The following CCDC7 variants were observed in gnomAD, a reference collection of about 807,000 sequenced individuals.
CCDC7 encodes coiled-coil domain containing 7.
In CCDC7, 183 loss-of-function variants were observed where a neutral mutation model predicts 196.9. That is an observed-to-expected ratio of 0.93 (90% CI 0.82 to 1.05). The LOEUF (loss-of-function observed/expected upper bound fraction) is 1.05. CCDC7 is among the 50% of genes least tolerant of loss of function. The pLI is 0.00. For synonymous variants in CCDC7, 525 were observed against 484.6 expected (o/e 1.08, Z -1.10); for missense variants, 1,540 against 1,482.2 (o/e 1.04, Z -0.64).
chr10:32,676,405 A>C (rs1207377603), intron 21 of CCDC7, among the ~76,000 whole-genome samples: 1 of 151,804 alleles, frequency 6.6e-6, no homozygotes, highest in Admixed American at 6.6e-5. Context: ...TGTACAGCAA[A>C]AGAAACTACC....
chr10:32,634,838 T>C (rs2065378233), intron 19 of CCDC7, among the ~76,000 whole-genome samples: 1 of 152,238 alleles, frequency 6.6e-6, no homozygotes, highest in African/African-American at 2.4e-5. Context: ...AAAGCTTTAA[T>C]ACCTTTTGAT....
At chr10:32,829,316 G>A (rs2091849325) in intron 32 of CCDC7, among the ~76,000 whole-genome samples, 1 of 152,152 alleles carries the variant, frequency 6.6e-6, no homozygotes, top group Admixed American at 6.5e-5. Context: ...AGGGAATACA[G>A]AATGCATAAG....
intron 3 of CCDC7, among the ~76,000 whole-genome samples, chr10:32,461,062 C>T (rs2035521622): frequency 6.6e-6 from 1 of 152,002 alleles, no homozygotes; most frequent in Non-Finnish European, 1.5e-5. Context: ...AAACTTTTAC[C>T]CAATTTGATA....
intron 11 of CCDC7, among the ~76,000 whole-genome samples, chr10:32,538,191 G>A (rs2050828187): frequency 6.6e-6 from 1 of 152,018 alleles, no homozygotes; most frequent in East Asian, 1.9e-4. Flanking sequence ...AGTTCTCATT[G>A]TGGAGATCTT....
chr10:32,610,352 C>A (rs765195455), intron 18 of CCDC7, among the ~76,000 whole-genome samples: 4 of 152,176 alleles, frequency 2.6e-5, no homozygotes, highest in African/African-American at 4.8e-5. Flanking sequence ...GATCTGCCTG[C>A]CTCGGCCTCC....
intron 28 of CCDC7, among the ~76,000 whole-genome samples, chr10:32,760,308 T>C (rs188784039): frequency 0.083 from 12,558 of 151,982 alleles, 562 homozygotes; most frequent in East Asian, 0.16. Flanking sequence ...ATGTTTATTG[T>C]GGCACTATTC....
chr10:32,771,912 G>C (rs1203879502), intron 28 of CCDC7, among the ~76,000 whole-genome samples: 1 of 152,182 alleles, frequency 6.6e-6, no homozygotes, highest in African/African-American at 2.4e-5. Flanking sequence ...GGATTGTCTT[G>C]GCTGGCCTCC....
At chr10:32,714,474 C>A (rs961103906) in intron 25 of CCDC7, among the ~76,000 whole-genome samples, 3 of 152,174 alleles carry the variant, frequency 2.0e-5, no homozygotes, top group Admixed American at 2.0e-4. Context: ...AACTGGGCAG[C>A]TGTTTGGGCA....
chr10:32,758,500 C>T (rs1186328833), intron 28 of CCDC7, among the ~76,000 whole-genome samples: 1 of 152,160 alleles, frequency 6.6e-6, no homozygotes, highest in Non-Finnish European at 1.5e-5. Flanking sequence ...ACAAAAACCA[C>T]ATGATTATCT....
intron 20 of CCDC7, among the ~76,000 whole-genome samples, chr10:32,648,827 T>C (rs1158886505): frequency 1.1e-4 from 17 of 152,230 alleles, no homozygotes; most frequent in Non-Finnish European, 2.5e-4. Context: ...GAAGTGTCTG[T>C]TAATGTCCTT....
At chr10:32,532,333 G>A (rs1163778518) in intron 11 of CCDC7, among the ~76,000 whole-genome samples, 1 of 151,990 alleles carries the variant, frequency 6.6e-6, no homozygotes. Context: ...ATGTGTTTGT[G>A]TATTTTTTGA....
At chr10:32,861,131 A>AAAAAAAAAAAAAAAAAG (rs1565740882) in intron 41 of CCDC7, among the ~76,000 whole-genome samples, 2 of 148,664 alleles carry the variant, frequency 1.3e-5, no homozygotes, top group Admixed American at 6.7e-5. Flanking sequence ...AAAAAAAAAA[A>AAAAAAAAAAAAAAAAAG]AAAGAAAGCT....
intron 35 of CCDC7, 91 bp from the exon 37 acceptor site, chr10:32,845,785 A>ACG: frequency 8.9e-7 from 1 of 1,118,876 alleles, no homozygotes; most frequent in Non-Finnish European, 1.3e-6. Flanking sequence ...ACACACACAC[A>ACG]CACACACACA....
chr10:32,639,301 C>T (rs943312091), intron 20 of CCDC7, among the ~76,000 whole-genome samples: 1 of 152,012 alleles, frequency 6.6e-6, no homozygotes, highest in Non-Finnish European at 1.5e-5. Flanking sequence ...GCTGTTGCTT[C>T]TCTAGTTCTT....
At chr10:32,534,404 C>T (rs894116133) in intron 11 of CCDC7, among the ~76,000 whole-genome samples, 1 of 152,088 alleles carries the variant, frequency 6.6e-6, no homozygotes, top group African/African-American at 2.4e-5. Flanking sequence ...TATGGTCAGT[C>T]ATGGTGTTTT....
chr10:32,849,701 C>CAAA (rs34677799), intron 39 of CCDC7, among the ~76,000 whole-genome samples: 10 of 80,804 alleles, frequency 1.2e-4, no homozygotes, highest in Admixed American at 1.4e-4. Context: ...GACTCCGTCT[C>CAAA]AAAAAAAAAA....
At chr10:32,612,852 T>G (rs1453247972) in intron 18 of CCDC7, among the ~76,000 whole-genome samples, 2 of 151,768 alleles carry the variant, frequency 1.3e-5, no homozygotes, top group Non-Finnish European at 2.9e-5. Flanking sequence ...TCGATGTTCA[T>G]CAGGGATATT....
chr10:32,577,660 T>C (rs993804675), intron 16 of CCDC7, among the ~76,000 whole-genome samples: 1 of 152,214 alleles, frequency 6.6e-6, no homozygotes, highest in Non-Finnish European at 1.5e-5. Context: ...GGCAAATCTT[T>C]CAGGCAAGTG....
chr10:32,877,013 T>C (rs1393259723), downstream of CCDC7: 1 of 152,068 alleles, frequency 6.6e-6, no homozygotes, highest in Non-Finnish European at 1.5e-5. Flanking sequence ...TTTCCTATTT[T>C]TCCCCAGCAA....
Sources: gnomAD v4.1 joint callset for allele counts (sites outside exome capture counted in the v4.1 genomes callset) on GRCh38, gnomAD v4.1.1 for gene constraint, MANE v1.5 for transcripts, NCBI Gene and HGNC (gene_info 2026-07-23, HGNC 2026-07-21) for gene names.